Variants in ZFYVE26 observed in about 807,000 individuals in gnomAD.
ZFYVE26 encodes the protein zinc finger FYVE domain-containing protein 26.
A neutral mutation model predicts 276.5 loss-of-function variants in ZFYVE26; 181 were observed. The observed-to-expected ratio is 0.65, with a 90% CI of 0.58 to 0.74. ZFYVE26 has a LOEUF of 0.74. Ranked by LOEUF, ZFYVE26 falls within the 30% of genes least tolerant of loss-of-function variation. The pLI is 0.00. For missense variants in ZFYVE26, 2,821 were observed against 3,097.9 expected (o/e 0.91, Z 2.12); for synonymous variants, 1,129 against 1,203.1 (o/e 0.94, Z 1.27).
At chr14:67,774,949 T>A in intron 27 of ZFYVE26, 67 bp downstream of exon 27, 1 of 1,018,742 alleles carries the variant, frequency 9.8e-7, no homozygotes, top group Non-Finnish European at 1.5e-6. Flanking sequence ...AAAAAAAAAT[T>A]CTGAAGGATA....
chr14:67,762,955 T>A, intron 32 of ZFYVE26, 136 bp from the exon 33 acceptor site: 1 of 1,274,218 alleles, frequency 7.8e-7, no homozygotes, highest in Non-Finnish European at 1.1e-6. Flanking sequence ...CAGGCTGGAG[T>A]GCAGTGGTCC....
Position 67,802,197 on chromosome 14 carries a change from G to A in ZFYVE26, c.1521C>T (p.Ala507=). 1.9e-6 allele frequency: 3 copies of A among 1,614,162 alleles called. No homozygotes were observed. Among genetic ancestry groups the A allele is most frequent in the African/African-American group, 1.3e-5 (1 of 75,044 alleles). The change falls in exon 10 of 42, where the codon GCC becomes GCT. Residue 507 remains alanine (A), a synonymous_variant. Transcript: ENST00000347230. The part of the protein sequence containing the change: ...LYQGFCAMKY[A]IYALCVNSHQ... Reference sequence around the variant, plus strand: ...GTGAGTTTACACAGAGGGCATAGATGGCATACTTCATGGCACAGAAGCCCT... The same window carrying A: ...GTGAGTTTACACAGAGGGCATAGATAGCATACTTCATGGCACAGAAGCCCT...
intron 20 of ZFYVE26, 81 bp from the exon 21 acceptor site, chr14:67,783,606 C>A: frequency 6.4e-7 from 1 of 1,559,870 alleles, no homozygotes; most frequent in Non-Finnish European, 8.7e-7. Flanking sequence ...TTTATGCTTA[C>A]ATGAGCAAAT....
chr14:67,734,528 G>A (rs2140164045), intron 13 of ZFYVE26: 1 of 155,762 alleles, frequency 6.4e-6, no homozygotes. Context: ...AGTTTAGTGA[G>A]TAGCATTTCA....
At chr14:67,790,805 GT>G in intron 14 of ZFYVE26, 32 bp from the exon 15 acceptor site, 1 of 1,582,346 alleles carries the variant, frequency 6.3e-7, no homozygotes, top group Non-Finnish European at 8.7e-7. Context: ...GTGGGCCCTG[GT>G]GGTCCCACTG....
At chr14:67,729,265 T>C (rs2038234446) in exon 14 of ZFYVE26, 1 of 1,607,854 alleles carries the variant, frequency 6.2e-7, no homozygotes, top group South Asian at 1.1e-5. Context: ...CTCCCTGCTC[T>C]GCCTGCTCTG....
At chr14:67,788,914 A>G (rs1386411812) in intron 16 of ZFYVE26, among the ~76,000 whole-genome samples, 2 of 152,172 alleles carry the variant, frequency 1.3e-5, no homozygotes, top group African/African-American at 4.8e-5. Context: ...AGAATTCTGT[A>G]TGCACATTCT....
intron 13 of ZFYVE26, among the ~76,000 whole-genome samples, chr14:67,739,386 C>T (rs2140168957): frequency 6.6e-6 from 1 of 152,230 alleles, no homozygotes; most frequent in East Asian, 1.9e-4. Flanking sequence ...GAGCTGTGCT[C>T]CCTTGGGACT....
chr14:67,745,294 T>C (rs761939099), downstream of ZFYVE26, among the ~76,000 whole-genome samples: 13 of 152,190 alleles, frequency 8.5e-5, no homozygotes, highest in Non-Finnish European at 1.8e-4. Flanking sequence ...TCCTTGTAGA[T>C]TCTGGATATT....
At chr14:67,782,745 A>T (rs1307204639) in intron 21 of ZFYVE26, 35 bp downstream of exon 21, 12 of 1,613,394 alleles carry the variant, frequency 7.4e-6, no homozygotes, top group Non-Finnish European at 9.3e-6. Flanking sequence ...AAATATTACC[A>T]CTAGTGAAAA....
At position 67,775,969 on chromosome 14, in the gene ZFYVE26, C is replaced by T. The variant is rs200196596; in HGVS notation, c.5112G>A (p.Leu1704=). The T allele has an allele frequency of 1.9e-5, 31 of 1,614,224 alleles. No homozygotes were observed. The highest frequency in any genetic ancestry group is 2.3e-5 in the Non-Finnish European group (27 of 1,180,046). Residue 1704 remains leucine, a synonymous_variant, in exon 26 of 42, where the codon CTG becomes CTA. Coordinates refer to ENST00000347230, the MANE Select transcript of ZFYVE26 (RefSeq NM_015346.4). ...TGAAGCCAATCTCCTGTCCAACCAGCAGCTGCTGGAGAGTCTGCACAGCCA... is the reference window on the plus strand; with the variant it reads ...TGAAGCCAATCTCCTGTCCAACCAGTAGCTGCTGGAGAGTCTGCACAGCCA... The part of the protein sequence containing the change: ...ATVAVQTLQQ[L]LVGQEIGFTM...
At chr14:67,767,682 CA>C (rs1318996625) in intron 31 of ZFYVE26, 21 bp downstream of exon 31, 1 of 1,613,960 alleles carries the variant, frequency 6.2e-7, no homozygotes, top group Admixed American at 1.7e-5. Flanking sequence ...CTTAAGTGAC[CA>C]TTGCATTTTA....
intron 28 of ZFYVE26, among the ~76,000 whole-genome samples, chr14:67,771,699 G>C (rs1046595880): frequency 6.6e-6 from 1 of 152,110 alleles, no homozygotes; most frequent in South Asian, 2.1e-4. Flanking sequence ...TCTGTCTCCT[G>C]AGTCAGTGCA....
intron 10 of ZFYVE26, 138 bp downstream of exon 10, chr14:67,801,941 G>T: frequency 1.0e-6 from 1 of 953,504 alleles, no homozygotes; most frequent in Non-Finnish European, 1.7e-6. Context: ...CTGACAGATG[G>T]ATGAAACTAT....
At position 67,802,127 on chromosome 14, in the gene ZFYVE26, C is replaced by G; in HGVS notation, c.1591G>C (p.Asp531His). The G allele has an allele frequency of 6.2e-7, 1 of 1,613,892 alleles. No homozygotes were observed. The highest frequency in any genetic ancestry group is 8.5e-7 in the Non-Finnish European group (1 of 1,180,042). ...GCTGGCTCTGTAGCTGAGGCCAGGT[C>G]CTCAGAGAGGCTGTCTTTGCAGTCC... ...CQDCKDSLSEDLASATEPAND... is the reference protein window; with the variant it reads ...CQDCKDSLSEHLASATEPAND... The change falls in exon 10 of 42, where the codon GAC becomes CAC. Residue 531 changes from aspartate (D) to histidine (H), a missense_variant. Coordinates refer to ENST00000347230, the MANE Select transcript of ZFYVE26 (RefSeq NM_015346.4).
At position 67,806,605 on chromosome 14, in the gene ZFYVE26, A is replaced by C; in HGVS notation, c.957T>G (p.Ala319=). The change falls in exon 6 of 42, where the codon GCT becomes GCG. Residue 319 remains alanine (A), a synonymous_variant. Transcript: ENST00000347230. ...ALFSNPNPAE[A]WKVAYFYCLS... The stretch of plus-strand genomic sequence containing the variant: ...GGCAGTAGAAATAGGCCACTTTCCA[A>C]GCCTCGGCTGGGTTGGGATTGGAGA... 6.2e-7 allele frequency: 1 copy of C among 1,614,220 alleles called. No individual in the cohort carries two copies. Among genetic ancestry groups the C allele is most frequent in the Non-Finnish European group, 8.5e-7 (1 of 1,180,024 alleles).
In ZFYVE26 at chr14:67,805,251, G is replaced by C. The variant is rs1354295897; in HGVS notation, c.1237C>G (p.Leu413Val). 3 of 1,614,080 alleles carry C rather than the reference G, an allele frequency of 1.9e-6. No individual in the cohort carries two copies. Among genetic ancestry groups the C allele is most frequent in the Non-Finnish European group, 2.5e-6 (3 of 1,180,004 alleles). The change falls in exon 8 of 42, where the codon CTG becomes GTG. Residue 413 changes from leucine (L) to valine (V), a missense_variant. Physicochemically the swap from Leu to Val is conservative, Grantham distance 32. Coordinates refer to ENST00000347230, the MANE Select transcript of ZFYVE26 (RefSeq NM_015346.4). Reference protein sequence around the residue: ...RDACDGLWAHLEVLEWCIQQS... With the variant: ...RDACDGLWAHVEVLEWCIQQS... ...TGTATGCACCACTCCAGGACCTCCA[G>C]GTGAGCCCACAACCCATCACAGGCA...
intron 32 of ZFYVE26, among the ~76,000 whole-genome samples, chr14:67,765,705 C>T (rs1203410525): frequency 1.3e-5 from 2 of 152,180 alleles, no homozygotes; most frequent in African/African-American, 4.8e-5. Context: ...TTTCCATACA[C>T]ACTTCTACTT....
At chr14:67,795,533 A>G (rs1384533464) in intron 12 of ZFYVE26, among the ~76,000 whole-genome samples, 1 of 152,228 alleles carries the variant, frequency 6.6e-6, no homozygotes, top group Non-Finnish European at 1.5e-5. Flanking sequence ...AAGCAGGTAC[A>G]TTACAAATTG....
Sources: allele counts gnomAD v4.1 joint callset (sites outside exome capture counted in the v4.1 genomes callset), GRCh38; gene constraint gnomAD v4.1.1; transcripts MANE v1.5; gene names NCBI Gene and HGNC (gene_info 2026-07-23, HGNC 2026-07-21).